The following ZNF644 variants were observed in gnomAD, a reference collection of about 807,000 sequenced individuals.
The protein encoded by ZNF644 is zinc finger motif enhancer binding protein 2.
In ZNF644, 20 loss-of-function variants were observed where a neutral mutation model predicts 108.0. The ratio of observed to expected loss-of-function variants is 0.19; its 90% CI spans 0.13 to 0.27. The LOEUF is 0.27. Ranked by LOEUF, ZNF644 falls within the 10% of genes least tolerant of loss-of-function variation. The pLI, the probability that ZNF644 is intolerant of heterozygous loss-of-function variation, is 1.00. For synonymous variants in ZNF644, 542 were observed against 539.1 expected, an observed-to-expected ratio of 1.01 and a Z score of -0.08; for missense variants, 1,338 against 1,548.9, an observed-to-expected ratio of 0.86 and a Z score of 2.29.
At chr1:91,014,446 A>T (rs964416095) in intron 1 of ZNF644, among the ~76,000 whole-genome samples, 26 of 152,116 alleles carry the variant, frequency 1.7e-4, no homozygotes, top group South Asian at 4.2e-4. Flanking sequence ...TTCAAATATT[A>T]AAAAAAAGTT....
chr1:90,940,937 G>A lies in ZNF644; in HGVS notation c.417C>T (p.Thr139=), dbSNP rs771999821. The A allele has an allele frequency of 6.2e-7, 1 of 1,614,036 alleles. No homozygotes were observed. Among genetic ancestry groups the A allele is most frequent in the South Asian group, 1.1e-5 (1 of 91,070 alleles). The change falls in exon 3 of 6, where the codon ACC becomes ACT. Residue 139 remains threonine, a synonymous_variant. Transcript: ENST00000337393. The part of the protein sequence containing the change: ...SNMNKGSVSL[T]TGQPVDQPTT... ...TTGGCTGATCCACAGGCTGTCCAGTGGTTAATGAAACACTGCCTTTATTCA... is the reference window on the plus strand; with the variant it reads ...TTGGCTGATCCACAGGCTGTCCAGTAGTTAATGAAACACTGCCTTTATTCA...
chr1:90,924,450 C>T (rs988938780), intron 4 of ZNF644, among the ~76,000 whole-genome samples: 2 of 152,100 alleles, frequency 1.3e-5, no homozygotes, highest in Non-Finnish European at 2.9e-5. Flanking sequence ...AGTCCCTGCC[C>T]TCTAAAATCT....
intron 1 of ZNF644, among the ~76,000 whole-genome samples, chr1:90,987,408 AC>A (rs1354244649): frequency 6.6e-6 from 1 of 152,046 alleles, no homozygotes; most frequent in African/African-American, 2.4e-5. Context: ...GAACAATTAT[AC>A]ATCAACAATT....
At chr1:90,975,419 A>G (rs1223075154) in intron 2 of ZNF644, among the ~76,000 whole-genome samples, 2 of 151,944 alleles carry the variant, frequency 1.3e-5, no homozygotes, top group Admixed American at 6.6e-5. Context: ...GAAGACCCTA[A>G]AAGTTTCAAA....
At chr1:90,936,857 T>C (rs1378846825) in intron 4 of ZNF644, among the ~76,000 whole-genome samples, 1 of 152,224 alleles carries the variant, frequency 6.6e-6, no homozygotes, top group African/African-American at 2.4e-5. Flanking sequence ...TCCTGTTCCA[T>C]TAGAGCACTA....
chr1:90,940,917 T>G lies in ZNF644; in HGVS notation c.437A>C (p.Gln146Pro). The stretch of plus-strand genomic sequence containing the variant: ...AGTTGAACAAGATTCTGTTGTTGGC[T>G]GATCCACAGGCTGTCCAGTGGTTAA... ...VSLTTGQPVD[Q>P]PTTESCSTLK... The change falls in exon 3 of 6, where the codon CAG (glutamine) becomes CCG (proline). Residue 146 changes from glutamine to proline, a missense_variant. Gln to Pro is a moderately conservative substitution (Grantham distance 76). Coordinates refer to ENST00000337393, the MANE Select transcript of ZNF644 (RefSeq NM_201269.3). 6 of 1,614,138 alleles carry G rather than the reference T, an allele frequency of 3.7e-6. No homozygotes were observed. The highest frequency in any genetic ancestry group is 5.1e-6 in the Non-Finnish European group (6 of 1,179,978).
At position 90,940,034 on chromosome 1, in the gene ZNF644, G is replaced by A. The variant is rs1651781143; in HGVS notation, c.1320C>T (p.Arg440=). The A allele has an allele frequency of 1.2e-6, 2 of 1,613,910 alleles. No homozygotes were observed. The highest frequency in any genetic ancestry group is 1.1e-5 in the South Asian group (1 of 91,082). The change falls in exon 3 of 6, where the codon CGC becomes CGT. Residue 440 remains arginine (R), a synonymous_variant. Transcript: ENST00000337393. ...CATATGGCCTTGGGACATTAAGATG[G>A]CGAAAGTGACTATTCCCATCTAAAT... ...MYHLDGNSHF[R]HLNVPRPYAC...
intron 2 of ZNF644, among the ~76,000 whole-genome samples, chr1:90,958,215 G>A (rs1176207432): frequency 5.3e-5 from 5 of 95,040 alleles, no homozygotes; most frequent in East Asian, 2.8e-4. Flanking sequence ...CAACCTGGGC[G>A]ACAAAAGCAA....
chr1:90,973,893 C>G (rs898145816), intron 2 of ZNF644, among the ~76,000 whole-genome samples: 30 of 152,158 alleles, frequency 2.0e-4, no homozygotes, highest in African/African-American at 6.7e-4. Flanking sequence ...AAATATGGCA[C>G]CTTGGCATTT....
chr1:91,007,237 T>G (rs1250200592), intron 1 of ZNF644, among the ~76,000 whole-genome samples: 7 of 136,334 alleles, frequency 5.1e-5, no homozygotes, highest in Non-Finnish European at 7.9e-5. Flanking sequence ...TTTTTTTTTT[T>G]TTTTTTTTTT....
chr1:90,942,096 G>A (rs1050241622), intron 2 of ZNF644, among the ~76,000 whole-genome samples: 1 of 152,060 alleles, frequency 6.6e-6, no homozygotes, highest in Non-Finnish European at 1.5e-5. Context: ...GAAGGTTTAT[G>A]TCAAACTTTC....
At chr1:91,007,182 T>A (rs1241785959) in intron 1 of ZNF644, among the ~76,000 whole-genome samples, 4 of 151,322 alleles carry the variant, frequency 2.6e-5, no homozygotes. Context: ...AATTCACATT[T>A]CTTGTTCAAT....
At chr1:90,931,630 T>TAATTGGGCAAATAA (rs1650739805) in intron 4 of ZNF644, among the ~76,000 whole-genome samples, 1 of 152,128 alleles carries the variant, frequency 6.6e-6, no homozygotes, top group Non-Finnish European at 1.5e-5. Context: ...TGGGCAAAAC[T>TAATTGGGCAAATAA]TTAATCTGTG....
chr1:91,020,425 A>G (rs974973951), intron 1 of ZNF644: 7 of 152,252 alleles, frequency 4.6e-5, no homozygotes, highest in Non-Finnish European at 7.3e-5. Context: ...TACCAACACA[A>G]AGTATGATAT....
chr1:90,989,125 G>C (rs749838323), intron 1 of ZNF644, among the ~76,000 whole-genome samples: 2 of 152,126 alleles, frequency 1.3e-5, no homozygotes, highest in Non-Finnish European at 2.9e-5. Flanking sequence ...TCATGTATCT[G>C]ATAAGAGGTT....
chr1:90,918,425 T>C (rs554242740), intron 4 of ZNF644: 1 of 353,518 alleles, frequency 2.8e-6, no homozygotes, highest in Admixed American at 4.1e-5. Context: ...CACACCAAAC[T>C]AGAACTGAGA....
chr1:90,940,206 A>T lies in ZNF644; in HGVS notation c.1148T>A (p.Leu383His). 1 of 1,614,062 alleles carries T rather than the reference A, an allele frequency of 6.2e-7. No homozygotes were observed. The highest frequency in any genetic ancestry group is 8.5e-7 in the Non-Finnish European group (1 of 1,179,960). ...ACATTTCTTTTTTAAGGTATTTGAA[A>T]GAAAAGTGCTAGTATGAACAGGTGA... The part of the protein sequence containing the change: ...ESSPVHTSTF[L>H]SNTLKKKCEE... Residue 383 changes from leucine (L) to histidine (H), a missense_variant, in exon 3 of 6, where the codon CTT becomes CAT. Coordinates refer to ENST00000337393, the MANE Select transcript of ZNF644 (RefSeq NM_201269.3).
chr1:91,020,315 C>A (rs891433827), intron 1 of ZNF644: 2 of 152,114 alleles, frequency 1.3e-5, no homozygotes, highest in African/African-American at 4.8e-5. Context: ...GAGATCTACA[C>A]AGTGATCTAA....
intron 2 of ZNF644, among the ~76,000 whole-genome samples, chr1:90,947,961 T>C (rs1438956560): frequency 6.6e-6 from 1 of 152,186 alleles, no homozygotes. Context: ...CAAAATTGAA[T>C]CATTGTCATT....
Sources: gnomAD v4.1 joint callset for allele counts (sites outside exome capture counted in the v4.1 genomes callset) on GRCh38, gnomAD v4.1.1 for gene constraint, MANE v1.5 for transcripts, NCBI Gene and HGNC (gene_info 2026-07-23, HGNC 2026-07-21) for gene names.